Variants in NUDT5 observed in about 807,000 individuals in gnomAD.
The protein encoded by NUDT5 is nudix hydrolase 5.
A neutral mutation model predicts 34.1 loss-of-function variants in NUDT5; 21 were observed. That is an observed-to-expected ratio of 0.62 (90% CI 0.44 to 0.89). NUDT5 has a LOEUF of 0.89. Ranked by LOEUF, NUDT5 falls within the 40% of genes least tolerant of loss-of-function variation. NUDT5 has a pLI of 0.00. For synonymous variants in NUDT5, 85 were observed against 97.6 expected (o/e 0.87, Z 0.76); for missense variants, 249 against 274.8 (o/e 0.91, Z 0.66).
Position 12,171,025 on chromosome 10 carries a change from C to T in NUDT5, c.488-117G>A. ...AATTTCACAGAAGCCTGGGTTTCTG[C>T]TAACTTAATTTATATACATTGTCAA... On this transcript the variant is annotated intron_variant, in intron 7 of 9. Transcript: ENST00000491614. The surrounding 1 kb of genome is among the most constrained non-coding windows in gnomAD (Gnocchi z 4.2). The T allele has an allele frequency of 9.3e-7, 1 of 1,074,504 alleles. No individual in the cohort carries two copies. The highest frequency in any genetic ancestry group is 1.4e-6 in the Non-Finnish European group (1 of 730,470). The allele number at this position is 1,074,504 out of a possible 1,614,324, so 66.6% of individuals were successfully genotyped here.
intron 1 of NUDT5, among the ~76,000 whole-genome samples, chr10:12,193,900 A>G (rs535536780): frequency 6.6e-6 from 1 of 151,698 alleles, no homozygotes; most frequent in Non-Finnish European, 1.5e-5. Flanking sequence ...ACGGAAAAAA[A>G]AGAGTCTCGC....
At chr10:12,194,154 C>T (rs1444534147) in intron 1 of NUDT5, among the ~76,000 whole-genome samples, 1 of 152,274 alleles carries the variant, frequency 6.6e-6, no homozygotes, top group African/African-American at 2.4e-5. Flanking sequence ...GGATCACAGG[C>T]ATGAGGCACC....
intron 4 of NUDT5, 129 bp downstream of exon 4, chr10:12,178,954 G>A: frequency 2.5e-6 from 2 of 796,140 alleles, no homozygotes. Context: ...ACATAGTATG[G>A]CAAAACCTAA....
At chr10:12,188,746 A>AT (rs1835170156) in intron 1 of NUDT5, among the ~76,000 whole-genome samples, 1 of 151,086 alleles carries the variant, frequency 6.6e-6, no homozygotes, top group Admixed American at 6.6e-5. Context: ...AAAAAAAAAA[A>AT]AAAAAAGTGG....
At chr10:12,186,886 C>T (rs554538407) in intron 1 of NUDT5, among the ~76,000 whole-genome samples, 2 of 152,256 alleles carry the variant, frequency 1.3e-5, no homozygotes, top group Admixed American at 6.5e-5. Context: ...CTTGGCCTCC[C>T]AAAGTGCTGG....
intron 4 of NUDT5, 85 bp downstream of exon 4, chr10:12,178,998 G>T: frequency 9.0e-7 from 1 of 1,109,992 alleles, no homozygotes; most frequent in Non-Finnish European, 1.4e-6. Context: ...CCTAATAGAA[G>T]TTAACTTGGT....
chr10:12,172,492 C>A, intron 7 of NUDT5: 2 of 476,046 alleles, frequency 4.2e-6, no homozygotes, highest in Non-Finnish European at 3.8e-6. Context: ...GCCTGCAGCT[C>A]ATATTACTAA....
intron 5 of NUDT5, among the ~76,000 whole-genome samples, chr10:12,174,875 A>G (rs181275663): frequency 2.0e-5 from 3 of 152,098 alleles, no homozygotes; most frequent in East Asian, 3.9e-4. Flanking sequence ...CCTCCCTCAT[A>G]GTAAAACACC....
rs763106812 is a variant in NUDT5 at position 12,166,694 on chromosome 10, G to A, written c.*1008C>T. The A allele has an allele frequency of 2.4e-5, 12 of 504,932 alleles. No homozygotes were observed. Among genetic ancestry groups the A allele is most frequent in the Admixed American group, 1.3e-4 (6 of 46,974 alleles). The allele number at this position is 504,932 out of a possible 1,614,324, so 31.3% of individuals were successfully genotyped here. ...GGATGAGAATCATCCTGAGAATTCC[G>A]TGGGGGCCAGACTGGAAAGTCCTGG... On this transcript the variant is annotated 3_prime_UTR_variant, in exon 10 of 10. Transcript: ENST00000491614.
rs1369380569 is a variant in NUDT5 at position 12,169,005 on chromosome 10, A to G, written c.551-1194T>C. 6.6e-6 allele frequency among the ~76,000 whole-genome samples: 1 copy of G among 151,898 alleles called. No homozygotes were observed. Among genetic ancestry groups the G allele is most frequent in the East Asian group, 1.9e-4 (1 of 5,168 alleles). ...CTGGAGCTCCTGACCTCAAGTGATC[A>G]GCCTACCTCGGCCTCCCAAAGTGCT... On this transcript the variant is annotated intron_variant, in intron 9 of 9. Coordinates refer to ENST00000491614, the MANE Select transcript of NUDT5 (RefSeq NM_014142.4). The surrounding 1 kb of genome is among the most constrained non-coding windows in gnomAD (Gnocchi z 4.8).
intron 4 of NUDT5, among the ~76,000 whole-genome samples, chr10:12,178,841 T>TGA (rs888669808): frequency 1.3e-5 from 2 of 152,230 alleles, no homozygotes; most frequent in African/African-American, 4.8e-5. Flanking sequence ...TATATTGATT[T>TGA]ACATTTAGTT....
chr10:12,187,617 A>C lies in NUDT5; in HGVS notation c.-41-1285T>G, dbSNP rs1051873131. Among the ~76,000 whole-genome samples the C allele has an allele frequency of 3.3e-5, 5 of 152,116 alleles. No homozygotes were observed. Among genetic ancestry groups the C allele is most frequent in the Admixed American group, 6.5e-5 (1 of 15,276 alleles). On this transcript the variant is annotated intron_variant, in intron 1 of 9. Coordinates refer to ENST00000491614, the MANE Select transcript of NUDT5 (RefSeq NM_014142.4). This position sits in a 1 kb window ranked among gnomAD's most constrained non-coding sequence, Gnocchi z 5.4. ...CTGTAAGGCATTGCTTAGTTGTCTT[A>C]CTTCTGGTGCTGCTGTTGAGAAGTC...
rs571028572 is a variant in NUDT5 at position 12,193,533 on chromosome 10, T to G, written c.-42+2237A>C. On this transcript the variant is annotated intron_variant, in intron 1 of 9. Transcript: ENST00000491614. Reference sequence around the variant, plus strand: ...GAAAGGTTTTATTGGAGAAACTTGATGAATACAATGACTTCATGGCTTAGT... The same window carrying G: ...GAAAGGTTTTATTGGAGAAACTTGAGGAATACAATGACTTCATGGCTTAGT... Among the ~76,000 whole-genome samples the G allele has an allele frequency of 6.8e-4, 104 of 152,352 alleles. 1 individual carries two copies. The highest frequency in any genetic ancestry group is 1.5e-3 in the Admixed American group (23 of 15,306).
intron 1 of NUDT5, among the ~76,000 whole-genome samples, chr10:12,194,921 G>C (rs1392452009): frequency 6.6e-6 from 1 of 152,228 alleles, no homozygotes. Context: ...CCAGCACTTT[G>C]GGAGGCTGAG....
Position 12,189,979 on chromosome 10 carries a change from C to T in NUDT5, c.-41-3647G>A, listed in dbSNP as rs554252077. ...CGCGATCTCCGCTCACTGCAAGCTC[C>T]GCCTCCTGGGTTCATGCCATTCTCC... On this transcript the variant is annotated intron_variant, in intron 1 of 9. Coordinates refer to ENST00000491614, the MANE Select transcript of NUDT5 (RefSeq NM_014142.4). Among the ~76,000 whole-genome samples, 20 of 151,596 alleles carry T rather than the reference C, an allele frequency of 1.3e-4. No homozygotes were observed. In the South Asian group the frequency reaches 3.5e-3, roughly 27 times the overall value.
Position 12,187,609 on chromosome 10 carries a change from G to A in NUDT5, c.-41-1277C>T, listed in dbSNP as rs1220472473. On this transcript the variant is annotated intron_variant, in intron 1 of 9. Coordinates refer to ENST00000491614, the MANE Select transcript of NUDT5 (RefSeq NM_014142.4). This position sits in a 1 kb window ranked among gnomAD's most constrained non-coding sequence, Gnocchi z 5.4. Reference sequence around the variant, plus strand: ...CTATGAAACTGTAAGGCATTGCTTAGTTGTCTTACTTCTGGTGCTGCTGTT... The same window carrying A: ...CTATGAAACTGTAAGGCATTGCTTAATTGTCTTACTTCTGGTGCTGCTGTT... Among the ~76,000 whole-genome samples the A allele has an allele frequency of 6.6e-6, 1 of 152,132 alleles. No homozygotes were observed. Among genetic ancestry groups the A allele is most frequent in the Non-Finnish European group, 1.5e-5 (1 of 68,022 alleles).
At chr10:12,193,470 T>C (rs1472954450) in intron 1 of NUDT5, among the ~76,000 whole-genome samples, 2 of 152,198 alleles carry the variant, frequency 1.3e-5, no homozygotes, top group Non-Finnish European at 2.9e-5. Flanking sequence ...CTACTGACTT[T>C]TCAGCATGCA....
chr10:12,188,728 T>TAAA lies in NUDT5; in HGVS notation c.-41-2399_-41-2397dup, dbSNP rs1230471724. 1.5e-3 allele frequency among the ~76,000 whole-genome samples: 110 copies of TAAA among 74,588 alleles called. 3 individuals carry two copies. The highest frequency in any genetic ancestry group is 8.6e-3 in the Middle Eastern group (1 of 116). The allele number at this position is 74,588 out of a possible 152,430, so 48.9% of individuals were successfully genotyped here. Reference sequence around the variant, plus strand: ...CCTGGCGACAGAGCAAGACTCCATCTAAAAAAAAAAAAAAAAAAAAAAAAG... The same window carrying TAAA: ...CCTGGCGACAGAGCAAGACTCCATCTAAAAAAAAAAAAAAAAAAAAAAAAAAAG... On this transcript the variant is annotated intron_variant, in intron 1 of 9. Coordinates refer to ENST00000491614, the MANE Select transcript of NUDT5 (RefSeq NM_014142.4).
At chr10:12,186,014 A>C (rs1835121335) in intron 2 of NUDT5, among the ~76,000 whole-genome samples, 1 of 152,202 alleles carries the variant, frequency 6.6e-6, no homozygotes, top group Admixed American at 6.5e-5. Flanking sequence ...TAAGAGCCCA[A>C]ATCTCCTAGA....
Sources: allele counts gnomAD v4.1 joint callset (sites outside exome capture counted in the v4.1 genomes callset), GRCh38; gene constraint gnomAD v4.1.1; non-coding constraint Gnocchi (gnomAD v3.1); transcripts MANE v1.5; gene names NCBI Gene and HGNC (gene_info 2026-07-23, HGNC 2026-07-21).